The following NCAM1 variants were observed in gnomAD, a reference collection of about 807,000 sequenced individuals.
The protein encoded by NCAM1 is antigen recognized by monoclonal antibody 5.1H11.
Under a neutral mutation model 109.8 loss-of-function variants are expected in NCAM1, and 14 were observed. That is an observed-to-expected ratio of 0.13 (90% CI 0.08 to 0.20). NCAM1 has a LOEUF of 0.20. Ranked by LOEUF, NCAM1 falls within the 10% of genes least tolerant of loss-of-function variation. The pLI is 1.00. For synonymous variants in NCAM1, 418 were observed against 442.9 expected (o/e 0.94, Z 0.70); for missense variants, 774 against 1,109.9 (o/e 0.70, Z 4.30).
At chr11:113,042,201 C>T (rs181626640) in intron 1 of NCAM1, among the ~76,000 whole-genome samples, 29 of 152,278 alleles carry the variant, frequency 1.9e-4, no homozygotes, top group African/African-American at 7.0e-4. Context: ...GAGAATATCC[C>T]CTCCCCTTGC....
At chr11:112,961,806 G>A (rs61905365) in intron 1 of NCAM1, 142 bp downstream of exon 1, 103,580 of 651,734 alleles carry the variant, frequency 0.16, 10,391 homozygotes, top group South Asian at 0.38. Flanking sequence ...AAAGGAGCGC[G>A]TCGCCCTTGC....
At chr11:112,967,080 A>G (rs1950747136) in intron 1 of NCAM1, among the ~76,000 whole-genome samples, 1 of 152,230 alleles carries the variant, frequency 6.6e-6, no homozygotes, top group Non-Finnish European at 1.5e-5. Flanking sequence ...AAAGGCTTCT[A>G]TGTAACCTAT....
chr11:112,961,826 G>A (rs904960646), intron 1 of NCAM1, among the ~76,000 whole-genome samples, 162 bp downstream of exon 1: 2 of 152,084 alleles, frequency 1.3e-5, no homozygotes, highest in East Asian at 3.9e-4. Context: ...CTGCCCAGCC[G>A]AACCCCGCTC....
At chr11:113,033,024 T>C (rs148136820) in intron 1 of NCAM1, among the ~76,000 whole-genome samples, 1 of 152,370 alleles carries the variant, frequency 6.6e-6, no homozygotes, top group East Asian at 1.9e-4. Context: ...GCTTTTACTC[T>C]TACTTTTGAG....
At chr11:112,993,448 G>A (rs1951516667) in intron 1 of NCAM1, among the ~76,000 whole-genome samples, 1 of 152,118 alleles carries the variant, frequency 6.6e-6, no homozygotes, top group Non-Finnish European at 1.5e-5. Context: ...CTCCAGCATT[G>A]GGGAATATAA....
chr11:113,188,739 A>G (rs1054565910), intron 1 of NCAM1, among the ~76,000 whole-genome samples: 6 of 152,184 alleles, frequency 3.9e-5, no homozygotes, highest in African/African-American at 1.2e-4. Context: ...GTGACTTGAC[A>G]CAAACCAGTG....
intron 1 of NCAM1, among the ~76,000 whole-genome samples, chr11:112,978,472 G>C (rs1384407448): frequency 6.6e-6 from 1 of 151,702 alleles, no homozygotes; most frequent in Non-Finnish European, 1.5e-5. Context: ...TGTAAACATT[G>C]AGAATAAAGA....
chr11:112,992,198 G>A (rs1951476198), intron 1 of NCAM1, among the ~76,000 whole-genome samples: 1 of 151,904 alleles, frequency 6.6e-6, no homozygotes, highest in Middle Eastern at 3.2e-3. Context: ...TTATTTTTAT[G>A]CATTTTTTTC....
At chr11:113,093,151 G>T (rs1396139098) in intron 1 of NCAM1, among the ~76,000 whole-genome samples, 6 of 152,176 alleles carry the variant, frequency 3.9e-5, no homozygotes, top group African/African-American at 1.2e-4. Flanking sequence ...ATCCAAGAGT[G>T]CAGTTTCCTA....
chr11:113,246,488 T>A, intron 15 of NCAM1, 118 bp downstream of exon 15: 2 of 670,734 alleles, frequency 3.0e-6, no homozygotes, highest in South Asian at 1.6e-5. Context: ...AGATTTCCTC[T>A]TGTTCTCAAT....
chr11:113,269,759 C>T (rs1946224653), intron 17 of NCAM1: 1 of 223,458 alleles, frequency 4.5e-6, no homozygotes, highest in South Asian at 7.4e-5. Flanking sequence ...ATTTTGGGCC[C>T]CTATCCCTGA....
intron 1 of NCAM1, among the ~76,000 whole-genome samples, chr11:112,984,811 A>G (rs1555069324): frequency 6.6e-6 from 1 of 151,450 alleles, no homozygotes; most frequent in Non-Finnish European, 1.5e-5. Context: ...CCCTTTTCTG[A>G]TATATGGTTT....
At chr11:113,231,914 A>C (rs1945020736) in intron 10 of NCAM1, 119 bp downstream of exon 10, 3 of 1,354,102 alleles carry the variant, frequency 2.2e-6, no homozygotes. Context: ...CGTTCCCTGC[A>C]GCTGACCCTG....
At position 113,056,936 on chromosome 11, in the gene NCAM1, G is replaced by A. The variant is rs573866798; in HGVS notation, c.52+95272G>A. Among the ~76,000 whole-genome samples the A allele has an allele frequency of 8.5e-5, 13 of 152,206 alleles. No individual in the cohort carries two copies. In the South Asian group the frequency reaches 2.5e-3, roughly 29 times the overall value. ...CCCTGAGACTTACATTCATAGAATCGTTTAATCATCCAATTATTAAAAATT... is the reference window on the plus strand; with the variant it reads ...CCCTGAGACTTACATTCATAGAATCATTTAATCATCCAATTATTAAAAATT... On this transcript the variant is annotated intron_variant, in intron 1 of 19. Coordinates refer to ENST00000316851, the MANE Select transcript of NCAM1 (RefSeq NM_181351.5).
At chr11:113,121,637 T>C (rs1940966528) in intron 1 of NCAM1, among the ~76,000 whole-genome samples, 1 of 151,798 alleles carries the variant, frequency 6.6e-6, no homozygotes, top group Non-Finnish European at 1.5e-5. Context: ...TAGAATTTAC[T>C]GTGGATTTCG....
At chr11:113,237,933 TATAG>T (rs1565521398) in intron 14 of NCAM1, among the ~76,000 whole-genome samples, 2 of 90,990 alleles carry the variant, frequency 2.2e-5, no homozygotes, top group African/African-American at 7.4e-5. Context: ...GATATAGATA[TATAG>T]ATATATATAT....
chr11:113,057,576 A>G (rs1485471255), intron 1 of NCAM1, among the ~76,000 whole-genome samples: 1 of 152,164 alleles, frequency 6.6e-6, no homozygotes, highest in Non-Finnish European at 1.5e-5. Context: ...ACAGATGTCT[A>G]AATTAGGACT....
In NCAM1 at chr11:112,961,810, C is replaced by T. The variant is rs1223785967; in HGVS notation, c.52+146C>T. 38 of 644,630 alleles carry T rather than the reference C, an allele frequency of 5.9e-5. No individual in the cohort carries two copies. The Middle Eastern group carries it at 1.3e-3, about 21-fold the overall frequency. 39.9% of individuals were successfully genotyped at this position (644,630 alleles called of 1,614,324 possible). On this transcript the variant is annotated intron_variant, in intron 1 of 19. Transcript: ENST00000316851. ...GTTTAGCTGTGAAAGGAGCGCGTCG[C>T]CCTTGCTGCCCAGCCGAACCCCGCT...
chr11:113,163,277 A>G (rs996218486), intron 1 of NCAM1, among the ~76,000 whole-genome samples: 3 of 152,128 alleles, frequency 2.0e-5, no homozygotes, highest in Non-Finnish European at 4.4e-5. Flanking sequence ...AATACCGCAA[A>G]AGTGCTGAAA....
Sources: gnomAD v4.1 joint callset for allele counts (sites outside exome capture counted in the v4.1 genomes callset) on GRCh38, gnomAD v4.1.1 for gene constraint, MANE v1.5 for transcripts, NCBI Gene and HGNC (gene_info 2026-07-23, HGNC 2026-07-21) for gene names.